The following ZNF45 variants were observed in gnomAD, a reference collection of about 807,000 sequenced individuals.
ZNF45 encodes the protein BRC1744.
In ZNF45, 4 loss-of-function variants were observed where a neutral mutation model predicts 12.0. That is an observed-to-expected ratio of 0.33 (90% CI 0.16 to 0.76). The LOEUF (loss-of-function observed/expected upper bound fraction) is 0.76. Among genes scored for constraint, ZNF45 ranks in the 30% least tolerant of loss-of-function variants. The pLI, the probability that ZNF45 is intolerant of heterozygous loss-of-function variation, is 0.60. For synonymous variants in ZNF45, 272 were observed against 279.6 expected (o/e 0.97, Z 0.27); for missense variants, 700 against 813.0 (o/e 0.86, Z 1.69).
At chr19:43,922,434 G>A (rs1357011079) in intron 6 of ZNF45, 17 of 483,320 alleles carry the variant, frequency 3.5e-5, no homozygotes, top group African/African-American at 5.8e-5. Context: ...CAAGTGACCT[G>A]CCCGACCACA....
chr19:43,930,166 G>A (rs1974006410), intron 3 of ZNF45, among the ~76,000 whole-genome samples: 1 of 152,136 alleles, frequency 6.6e-6, no homozygotes, highest in Non-Finnish European at 1.5e-5. Flanking sequence ...GGAATGCTGT[G>A]TCTTCATAGT....
At chr19:43,928,449 C>T (rs943349251) in intron 3 of ZNF45, among the ~76,000 whole-genome samples, 1 of 152,088 alleles carries the variant, frequency 6.6e-6, no homozygotes, top group African/African-American at 2.4e-5. Flanking sequence ...ACAAAATAAT[C>T]TGTACAACAA....
At chr19:43,919,866 G>C in intron 7 of ZNF45, 167 bp from the exon 8 acceptor site, 1 of 632,400 alleles carries the variant, frequency 1.6e-6, no homozygotes, top group African/African-American at 2.0e-5. Flanking sequence ...TATATTTTAG[G>C]TTTTTCCTTT....
chr19:43,926,611 A>C (rs544506825), intron 3 of ZNF45: 1 of 152,356 alleles, frequency 6.6e-6, no homozygotes, highest in South Asian at 2.1e-4. Flanking sequence ...CTCACAGTCT[A>C]GTGATGAGGA....
Position 43,914,254 on chromosome 19 carries a change from C to T in ZNF45, c.1182G>A (p.Gly394=). ...GEKPYKCEEC[G]KGFCRASNLL... is the part of the protein sequence containing the mutation. ...GATTTGAGGCCCGGCAGAAGCCTTT[C>T]CCACACTCCTCACATTTGTATGGCT... Residue 394 remains glycine, a synonymous_variant, in exon 10 of 10, where the codon GGG becomes GGA. Coordinates refer to ENST00000269973, the MANE Select transcript of ZNF45 (RefSeq NM_003425.4). 6.2e-7 allele frequency: 1 copy of T among 1,613,374 alleles called. No individual in the cohort carries two copies. The highest frequency in any genetic ancestry group is 8.5e-7 in the Non-Finnish European group (1 of 1,179,528).
Position 43,914,913 on chromosome 19 carries a change from A to G in ZNF45, c.523T>C (p.Trp175Arg). 6.2e-7 allele frequency: 1 copy of G among 1,612,548 alleles called. No individual in the cohort carries two copies. The highest frequency in any genetic ancestry group is 8.5e-7 in the Non-Finnish European group (1 of 1,178,588). The change falls in exon 10 of 10, where the codon TGG becomes CGG. Residue 175 changes from tryptophan to arginine, a missense_variant. By Grantham distance (101) the Trp-to-Arg change is moderately radical. Transcript: ENST00000269973. ...KGEHCVKSFS[W>R]SSHLQINQRA... The stretch of plus-strand genomic sequence containing the variant: ...TGGTTAATTTGAAGATGAGAGCTCC[A>G]GCTGAAACTTTTCACACAATGTTCT...
chr19:43,913,757 T>C lies in ZNF45; in HGVS notation c.1679A>G (p.Glu560Gly). Residue 560 changes from glutamate (E) to glycine (G), a missense_variant, in exon 10 of 10, where the codon GAG becomes GGG. Glu to Gly is a moderately conservative substitution (Grantham distance 98). Coordinates refer to ENST00000269973, the MANE Select transcript of ZNF45 (RefSeq NM_003425.4). ...HTGEKPYQCE[E>G]CGKGFCRASN... ...GGCCCGACAGAAGCCCTTCCCACAC[T>C]CCTCACATTGATAGGGTTTCTCTCC... is the stretch of plus-strand genomic sequence containing the variant. 1.2e-6 allele frequency: 2 copies of C among 1,613,798 alleles called. No individual in the cohort carries two copies. Among genetic ancestry groups the C allele is most frequent in the South Asian group, 2.2e-5 (2 of 91,072 alleles).
intron 6 of ZNF45, among the ~76,000 whole-genome samples, chr19:43,922,822 T>TG (rs1973306910): frequency 1.9e-5 from 1 of 52,302 alleles, no homozygotes; most frequent in Non-Finnish European, 4.5e-5. Context: ...AATTCTTTGT[T>TG]TTTTTTTTTT....
chr19:43,913,194 CTT>C lies in ZNF45; in HGVS notation c.*191_*192del, dbSNP rs1662636617. 7.7e-6 allele frequency: 4 copies of C among 522,324 alleles called. No individual in the cohort carries two copies. Among genetic ancestry groups the C allele is most frequent in the South Asian group, 4.3e-5 (1 of 23,312 alleles). The allele number at this position is 522,324 out of a possible 1,614,324, so 32.4% of individuals were successfully genotyped here. A position where few individuals can be genotyped will look rare whatever the true frequency, so the allele number is the denominator to read the frequency against. On this transcript the variant is annotated 3_prime_UTR_variant, in exon 10 of 10. Transcript: ENST00000269973. ...GATCAGACTCATCCTTCCTGATCCT[CTT>C]GTCTGCATGTATCAGCTAATGGTCA...
At chr19:43,929,495 A>C (rs57625033) in intron 3 of ZNF45, among the ~76,000 whole-genome samples, 1,846 of 152,290 alleles carry the variant, frequency 0.012, 37 homozygotes, top group African/African-American at 0.043. Context: ...GACATATTAC[A>C]AAAGCATAGG....
chr19:43,930,629 C>G (rs1974059541), intron 3 of ZNF45, among the ~76,000 whole-genome samples: 1 of 152,148 alleles, frequency 6.6e-6, no homozygotes, highest in South Asian at 2.1e-4. Context: ...ATAAGATGCC[C>G]CTAGAGCTCT....
rs369400255 is a variant in ZNF45 at position 43,918,981 on chromosome 19, A to G, written c.143-19T>C. 2 of 1,607,224 alleles carry G rather than the reference A, an allele frequency of 1.2e-6. No homozygotes were observed. The highest frequency in any genetic ancestry group is 1.1e-5 in the South Asian group (1 of 90,818). On this transcript the variant is annotated intron_variant, in intron 8 of 9. Coordinates refer to ENST00000269973, the MANE Select transcript of ZNF45 (RefSeq NM_003425.4). ...TGATGCCCTGTGAAAAGGCAAGGACATAGGTTTATAATTAATACATCAGAA... is the reference window on the plus strand; with the variant it reads ...TGATGCCCTGTGAAAAGGCAAGGACGTAGGTTTATAATTAATACATCAGAA...
chr19:43,918,877 G>A lies in ZNF45; in HGVS notation c.228C>T (p.Asn76=). 1 of 1,613,848 alleles carries A rather than the reference G, an allele frequency of 6.2e-7. No homozygotes were observed. Among genetic ancestry groups the A allele is most frequent in the Non-Finnish European group, 8.5e-7 (1 of 1,179,768 alleles). Residue 76 remains asparagine, a synonymous_variant, in exon 9 of 10, where the codon AAC becomes AAT. Coordinates refer to ENST00000269973, the MANE Select transcript of ZNF45 (RefSeq NM_003425.4). ...WMMKMATQRD[N]SSGAKNLKEM... is the part of the protein sequence containing the mutation. ...GCCCCAGCCCCTCCTCACCTGAGGA[G>A]TTATCTCTCTGGGTTGCCATCTTCA...
chr19:43,926,498 C>G (rs1973689492), intron 3 of ZNF45: 1 of 152,206 alleles, frequency 6.6e-6, no homozygotes, highest in African/African-American at 2.4e-5. Context: ...TAGCACTAGA[C>G]AGGTGAATTT....
Position 43,913,267 on chromosome 19 carries a change from C to T in ZNF45, c.*120G>A, listed in dbSNP as rs1425777630. 5.9e-6 allele frequency: 7 copies of T among 1,195,138 alleles called. No homozygotes were observed. The Admixed American group carries it at 1.5e-4, about 25-fold the overall frequency. The allele number at this position is 1,195,138 out of a possible 1,614,324, so 74.0% of individuals were successfully genotyped here. A position where few individuals can be genotyped will look rare whatever the true frequency, so the allele number is the denominator to read the frequency against. ...ATGTCTCCACTCTTGTGAGGCTTCT[C>T]TGCTGTGTGGTCTCCCAATCACTTG... On this transcript the variant is annotated 3_prime_UTR_variant, in exon 10 of 10. Transcript: ENST00000269973.
In ZNF45 at chr19:43,913,506, CCT is replaced by C; in HGVS notation, c.1928_1929del (p.Glu643GlyfsTer21). The C allele has an allele frequency of 6.2e-7, 1 of 1,613,720 alleles. No homozygotes were observed. The highest frequency in any genetic ancestry group is 2.2e-5 in the East Asian group (1 of 44,848). ...CTCCAACTGAAGCCCTTCCCACACT[CCT>C]CACATTTGTATGGTTTTTCTCCGGT... ...VHTGEKPYKC[E>X]ECGKGFSWSS... is the part of the protein sequence containing the mutation. On this transcript the variant is annotated frameshift_variant, in exon 10 of 10. Coordinates refer to ENST00000269973, the MANE Select transcript of ZNF45 (RefSeq NM_003425.4). LOFTEE classifies it low-confidence loss of function (END_TRUNC).
At chr19:43,928,509 T>C (rs1421901534) in intron 3 of ZNF45, among the ~76,000 whole-genome samples, 1 of 152,226 alleles carries the variant, frequency 6.6e-6, no homozygotes, top group African/African-American at 2.4e-5. Context: ...CGTGTACTTC[T>C]GCAGTTACAG....
chr19:43,922,820 GT>G (rs368057244), intron 6 of ZNF45, among the ~76,000 whole-genome samples: 25,958 of 85,586 alleles, frequency 0.3, 1,208 homozygotes, highest in Middle Eastern at 0.39. Flanking sequence ...TAAATTCTTT[GT>G]TTTTTTTTTT....
At chr19:43,924,149 AC>A (rs1973477045) in intron 6 of ZNF45, 88 bp downstream of exon 6, 1 of 152,202 alleles carries the variant, frequency 6.6e-6, no homozygotes. Flanking sequence ...AATAATAACA[AC>A]AAAAATGGTG....
Sources: allele counts gnomAD v4.1 joint callset (sites outside exome capture counted in the v4.1 genomes callset), GRCh38; gene constraint gnomAD v4.1.1; transcripts MANE v1.5; gene names NCBI Gene and HGNC (gene_info 2026-07-23, HGNC 2026-07-21).